Variants in AEBP2 observed in about 807,000 individuals in gnomAD.
AEBP2 encodes the protein zinc finger protein AEBP2.
AEBP2 carries 10 observed loss-of-function variants against 50.8 expected under a neutral mutation model. The observed-to-expected ratio is 0.20, with a 90% CI of 0.12 to 0.33. The LOEUF is 0.33. Ranked by LOEUF, AEBP2 falls within the 10% of genes least tolerant of loss-of-function variation. AEBP2 has a pLI of 1.00. For missense variants in AEBP2, 570 were observed against 688.0 expected (o/e 0.83, Z 1.92); for synonymous variants, 296 against 261.3 (o/e 1.13, Z -1.28).
intron 4 of AEBP2, 140 bp downstream of exon 4, chr12:19,494,126 G>A (rs1390474655): frequency 5.5e-6 from 5 of 914,736 alleles, no homozygotes; most frequent in African/African-American, 1.7e-5. Context: ...GTCAGTGAGA[G>A]TGAGAATTCA....
intron 3 of AEBP2, among the ~76,000 whole-genome samples, chr12:19,490,184 A>G (rs1319792257): frequency 6.6e-6 from 1 of 151,816 alleles, no homozygotes; most frequent in Non-Finnish European, 1.5e-5. Context: ...TCTAGATGCT[A>G]CTAGGGCCTA....
chr12:19,441,084 C>T (rs1355063674), intron 1 of AEBP2, among the ~76,000 whole-genome samples: 3 of 151,950 alleles, frequency 2.0e-5, no homozygotes, highest in Non-Finnish European at 2.9e-5. Context: ...GAGTTGGAAT[C>T]GTAACAAAAT....
At chr12:19,492,013 TCG>T (rs1253179040) in intron 3 of AEBP2, among the ~76,000 whole-genome samples, 1 of 152,186 alleles carries the variant, frequency 6.6e-6, no homozygotes, top group Non-Finnish European at 1.5e-5. Flanking sequence ...TAGAGGTACC[TCG>T]ATTGAAGGAA....
At chr12:19,479,730 T>C (rs1445202565) in intron 3 of AEBP2, among the ~76,000 whole-genome samples, 1 of 133,012 alleles carries the variant, frequency 7.5e-6, no homozygotes, top group Non-Finnish European at 1.6e-5. Flanking sequence ...TTTTTTTTTT[T>C]TTTTTTTTTT....
intron 1 of AEBP2, among the ~76,000 whole-genome samples, chr12:19,445,406 G>A (rs1415737026): frequency 6.7e-6 from 1 of 148,598 alleles, no homozygotes; most frequent in African/African-American, 2.5e-5. Flanking sequence ...AGTAGAGAGG[G>A]TTGCACCATG....
upstream of AEBP2, among the ~76,000 whole-genome samples, chr12:19,436,267 G>C (rs556571209): frequency 6.6e-6 from 1 of 152,042 alleles, no homozygotes; most frequent in African/African-American, 2.4e-5. Context: ...TTACCCTATC[G>C]TCTAAAAAAT....
At chr12:19,504,476 G>A (rs1173630325) in intron 5 of AEBP2, among the ~76,000 whole-genome samples, 1 of 151,834 alleles carries the variant, frequency 6.6e-6, no homozygotes, top group Non-Finnish European at 1.5e-5. Flanking sequence ...TCCTGACCTT[G>A]TGATCCACCC....
intron 2 of AEBP2, among the ~76,000 whole-genome samples, chr12:19,464,010 A>C (rs1437729215): frequency 6.6e-6 from 1 of 152,164 alleles, no homozygotes; most frequent in Non-Finnish European, 1.5e-5. Context: ...AATATATTAT[A>C]ATGTGTCAGC....
chr12:19,435,904 C>A (rs568181020), upstream of AEBP2, among the ~76,000 whole-genome samples: 6 of 152,114 alleles, frequency 3.9e-5, no homozygotes, highest in Non-Finnish European at 8.8e-5. Flanking sequence ...AAGTATGGTG[C>A]TTTGGCATGC....
At chr12:19,507,658 A>C (rs1487815357) in intron 5 of AEBP2, among the ~76,000 whole-genome samples, 1 of 152,110 alleles carries the variant, frequency 6.6e-6, no homozygotes, top group African/African-American at 2.4e-5. Flanking sequence ...AATCTGAAGA[A>C]TGATTTTTTT....
intron 4 of AEBP2, among the ~76,000 whole-genome samples, chr12:19,499,394 C>T (rs1395661188): frequency 6.6e-6 from 1 of 152,166 alleles, no homozygotes; most frequent in Non-Finnish European, 1.5e-5. Flanking sequence ...AGGCAGATCA[C>T]ATGAAGCCAG....
chr12:19,455,382 T>C (rs1411036185), intron 1 of AEBP2, among the ~76,000 whole-genome samples: 2 of 152,222 alleles, frequency 1.3e-5, no homozygotes, highest in East Asian at 3.8e-4. Flanking sequence ...TTAAAGATTA[T>C]TTGCAATGTG....
intron 1 of AEBP2, among the ~76,000 whole-genome samples, chr12:19,442,945 T>G (rs1375619088): frequency 1.3e-5 from 2 of 152,176 alleles, no homozygotes; most frequent in Non-Finnish European, 2.9e-5. Flanking sequence ...AAGGATAATC[T>G]TAGTTTTAAA....
intron 1 of AEBP2, among the ~76,000 whole-genome samples, chr12:19,416,602 A>C (rs911179235): frequency 6.8e-6 from 1 of 146,530 alleles, no homozygotes; most frequent in African/African-American, 2.5e-5. Flanking sequence ...ATGGGGTTTC[A>C]CCATGTTGGC....
intron 2 of AEBP2, among the ~76,000 whole-genome samples, chr12:19,468,141 TGTGTGTGTG>T (rs1948512200): frequency 6.6e-6 from 1 of 151,410 alleles, no homozygotes; most frequent in East Asian, 1.9e-4. Context: ...TGTGTGTGTG[TGTGTGTGTG>T]TGTGTGTATG....
intron 4 of AEBP2, among the ~76,000 whole-genome samples, chr12:19,498,363 T>C (rs892492437): frequency 3.3e-5 from 5 of 152,216 alleles, no homozygotes; most frequent in Non-Finnish European, 7.3e-5. Context: ...CTTAGTCTTT[T>C]GGCTTCTGCT....
At chr12:19,481,136 T>C (rs1325347264) in intron 3 of AEBP2, among the ~76,000 whole-genome samples, 1 of 136,954 alleles carries the variant, frequency 7.3e-6, no homozygotes, top group Non-Finnish European at 1.5e-5. Context: ...AGTCTCACTC[T>C]GTTGCCCAGG....
At position 19,489,254 on chromosome 12, in the gene AEBP2, C is replaced by T. The variant is rs183971154; in HGVS notation, c.988-4546C>T. ...CACAGTTCTGCATGGCTGGGGAAAC[C>T]TCAGGAAAACTACAGTCATGGTGGA... On this transcript the variant is annotated intron_variant, in intron 3 of 7. Coordinates refer to ENST00000266508, the MANE Select transcript of AEBP2 (RefSeq NM_153207.5). Among the ~76,000 whole-genome samples the T allele has an allele frequency of 1.5e-4, 23 of 152,304 alleles. No individual in the cohort carries two copies. In the Middle Eastern group the frequency reaches 0.01, roughly 68 times the overall value.
intron 1 of AEBP2, among the ~76,000 whole-genome samples, chr12:19,417,685 G>T (rs2095743357): frequency 6.6e-6 from 1 of 151,310 alleles, no homozygotes; most frequent in Non-Finnish European, 1.5e-5. Flanking sequence ...TGGGATAACA[G>T]GTGTGAGCCA....
Sources: gnomAD v4.1 joint callset for allele counts (sites outside exome capture counted in the v4.1 genomes callset) on GRCh38, gnomAD v4.1.1 for gene constraint, MANE v1.5 for transcripts, NCBI Gene and HGNC (gene_info 2026-07-23, HGNC 2026-07-21) for gene names.